EYA3: variants seen among roughly 807,000 people sequenced by gnomAD.
EYA3 encodes protein phosphatase EYA3.
In EYA3, 39 loss-of-function variants were observed where a neutral mutation model predicts 80.0. That is an observed-to-expected ratio of 0.49 (90% confidence interval 0.38 to 0.64). The LOEUF is 0.64. Among genes scored for constraint, EYA3 ranks in the 30% least tolerant of loss-of-function variants. The pLI is 0.00. For missense variants in EYA3, 523 were observed against 676.1 expected (o/e 0.77, Z 2.51); for synonymous variants, 206 against 232.8 (o/e 0.88, Z 1.05).
At chr1:28,059,702 C>T (rs1644549985) in intron 1 of EYA3, among the ~76,000 whole-genome samples, 2 of 150,092 alleles carry the variant, frequency 1.3e-5, no homozygotes, top group South Asian at 4.2e-4. Context: ...ACCTTCAATA[C>T]CTCATTTGTT....
chr1:28,048,361 A>G, intron 3 of EYA3, 22 bp downstream of exon 3: 2 of 1,577,518 alleles, frequency 1.3e-6, no homozygotes, highest in South Asian at 2.4e-5. Flanking sequence ...AGTTCATTAA[A>G]AAGAAAGCAA....
At chr1:27,977,903 C>A (rs1002335602) in intron 17 of EYA3, among the ~76,000 whole-genome samples, 3 of 150,252 alleles carry the variant, frequency 2.0e-5, no homozygotes, top group Non-Finnish European at 4.4e-5. Context: ...GAAGTTGGGA[C>A]CTGTATAGTG....
At chr1:27,978,911 G>A (rs1051493135) in intron 16 of EYA3, among the ~76,000 whole-genome samples, 8 of 152,188 alleles carry the variant, frequency 5.3e-5, no homozygotes, top group East Asian at 1.9e-4. Flanking sequence ...GCAGTGAGCC[G>A]AGATCATGCC....
chr1:27,994,730 G>A (rs1201967782), intron 13 of EYA3, among the ~76,000 whole-genome samples: 2 of 152,126 alleles, frequency 1.3e-5, no homozygotes, highest in Non-Finnish European at 2.9e-5. Context: ...TATTTGGGAG[G>A]CTGAAATGGG....
At position 28,009,819 on chromosome 1, in the gene EYA3, T is replaced by A. The variant is rs989252651; in HGVS notation, c.909+1128A>T. Among the ~76,000 whole-genome samples, 1 of 152,206 alleles carries A rather than the reference T, an allele frequency of 6.6e-6. No homozygotes were observed. Among genetic ancestry groups the A allele is most frequent in the African/African-American group, 2.4e-5 (1 of 41,456 alleles). On this transcript the variant is annotated intron_variant, in intron 10 of 17. Coordinates refer to ENST00000373871, the MANE Select transcript of EYA3 (RefSeq NM_001990.4). This position sits in a 1 kb window ranked among gnomAD's most constrained non-coding sequence, Gnocchi z 4.8. Reference sequence around the variant, plus strand: ...GAAGAAGGGGAGAATGGGGAGTTACTGCTTAATGGGTACAGAGTTTTCATT... The same window carrying A: ...GAAGAAGGGGAGAATGGGGAGTTACAGCTTAATGGGTACAGAGTTTTCATT...
In EYA3 at chr1:27,971,076, G is replaced by A. The variant is rs1638707432; in HGVS notation, c.*3390C>T. Reference sequence around the variant, plus strand: ...CACTAGCTTTACAGAAGACAGGAACGCCGCAAATCAAACAAAAGCCCAGAT... The same window carrying A: ...CACTAGCTTTACAGAAGACAGGAACACCGCAAATCAAACAAAAGCCCAGAT... On this transcript the variant is annotated 3_prime_UTR_variant, in exon 18 of 18. Transcript: ENST00000373871. 6.6e-6 allele frequency: 1 copy of A among 152,192 alleles called. No homozygotes were observed. The highest frequency in any genetic ancestry group is 1.5e-5 in the Non-Finnish European group (1 of 68,038). 9.4% of individuals were successfully genotyped at this position (152,192 alleles called of 1,614,324 possible).
chr1:28,028,207 GAAAA>G (rs531773615), intron 6 of EYA3, among the ~76,000 whole-genome samples: 2 of 151,908 alleles, frequency 1.3e-5, no homozygotes, highest in Non-Finnish European at 2.9e-5. Context: ...CCAGGATTCA[GAAAA>G]AAAGAGTTAT....
At chr1:28,006,731 A>C (rs1641303694) in intron 10 of EYA3, among the ~76,000 whole-genome samples, 1 of 151,952 alleles carries the variant, frequency 6.6e-6, no homozygotes, top group Non-Finnish European at 1.5e-5. Context: ...AAATAAATAA[A>C]AATAAAAATA....
chr1:28,045,543 C>T (rs531225783), intron 3 of EYA3, among the ~76,000 whole-genome samples: 18 of 152,092 alleles, frequency 1.2e-4, no homozygotes, highest in Non-Finnish European at 1.8e-4. Context: ...TTCCTAAAAC[C>T]CAATGGTCCT....
At chr1:28,011,521 C>A (rs1246794860) in intron 9 of EYA3, among the ~76,000 whole-genome samples, 1 of 152,146 alleles carries the variant, frequency 6.6e-6, no homozygotes, top group Non-Finnish European at 1.5e-5. Flanking sequence ...AGAAGCACCG[C>A]CCCACCTAGT....
intron 7 of EYA3, among the ~76,000 whole-genome samples, chr1:28,021,484 C>T (rs1642431264): frequency 6.6e-6 from 1 of 152,168 alleles, no homozygotes. Context: ...CAGAATCCTG[C>T]TGTCTTATAA....
intron 1 of EYA3, among the ~76,000 whole-genome samples, chr1:28,060,486 A>G (rs1419109000): frequency 6.6e-6 from 1 of 152,224 alleles, no homozygotes; most frequent in African/African-American, 2.4e-5. Flanking sequence ...TGCTTTTTAG[A>G]AATATGGTAA....
At chr1:28,030,483 T>C (rs1643075866) in intron 6 of EYA3, among the ~76,000 whole-genome samples, 1 of 152,126 alleles carries the variant, frequency 6.6e-6, no homozygotes, top group Admixed American at 6.6e-5. Flanking sequence ...GACAAGGTTT[T>C]GTCATATTGC....
intron 1 of EYA3, among the ~76,000 whole-genome samples, chr1:28,087,525 G>T (rs1411310526): frequency 2.0e-5 from 3 of 152,154 alleles, no homozygotes. Context: ...TTACTATAGT[G>T]AACTCTTCAG....
At chr1:28,043,257 T>TAA (rs1643881328) in intron 3 of EYA3, among the ~76,000 whole-genome samples, 1 of 151,998 alleles carries the variant, frequency 6.6e-6, no homozygotes, top group East Asian at 1.9e-4. Context: ...AACATTGCTC[T>TAA]GCCACTTTTT....
At chr1:28,037,637 GGTTCA>G (rs1354205000) in intron 5 of EYA3, among the ~76,000 whole-genome samples, 1 of 152,146 alleles carries the variant, frequency 6.6e-6, no homozygotes, top group Non-Finnish European at 1.5e-5. Context: ...TCAGAGAATA[GGTTCA>G]GTTATTTCAC....
chr1:27,995,789 T>C (rs1459299188), intron 13 of EYA3, among the ~76,000 whole-genome samples: 1 of 152,040 alleles, frequency 6.6e-6, no homozygotes, highest in East Asian at 1.9e-4. Context: ...AAATAAAAAA[T>C]ATTAAGTATT....
intron 17 of EYA3, 73 bp from the exon 18 acceptor site, chr1:27,974,619 T>C (rs548424289): frequency 5.0e-5 from 64 of 1,275,256 alleles, no homozygotes; most frequent in Non-Finnish European, 6.9e-5. Flanking sequence ...CCCATACTCT[T>C]TCCTCAACAC....
chr1:28,074,664 A>G (rs1047510079), intron 1 of EYA3, among the ~76,000 whole-genome samples: 3 of 152,142 alleles, frequency 2.0e-5, no homozygotes, highest in Admixed American at 6.6e-5. Flanking sequence ...GCCTAATACT[A>G]AAGTCTAACA....
Sources: gnomAD v4.1 joint callset for allele counts (sites outside exome capture counted in the v4.1 genomes callset) on GRCh38, gnomAD v4.1.1 for gene constraint, Gnocchi (gnomAD v3.1) non-coding constraint, MANE v1.5 for transcripts, NCBI Gene and HGNC (gene_info 2026-07-23, HGNC 2026-07-21) for gene names.